Variants in NRXN1 observed in about 807,000 individuals in gnomAD.
NRXN1 encodes neurexin 1.
In NRXN1, 39 loss-of-function variants were observed where a neutral mutation model predicts 150.9. That is an observed-to-expected ratio of 0.26 (90% CI 0.20 to 0.34). The LOEUF (loss-of-function observed/expected upper bound fraction) is 0.34. Ranked by LOEUF, NRXN1 falls within the 10% of genes least tolerant of loss-of-function variation. The pLI, the probability that NRXN1 is intolerant of heterozygous loss-of-function variation, is 1.00. For missense variants in NRXN1, 1,815 were observed against 1,949.9 expected (o/e 0.93, Z 1.30); for synonymous variants, 924 against 757.0 (o/e 1.22, Z -3.62).
intron 5 of NRXN1, among the ~76,000 whole-genome samples, chr2:50,785,454 T>C (rs1186454850): frequency 2.0e-5 from 3 of 151,986 alleles, no homozygotes; most frequent in Admixed American, 6.6e-5. Context: ...TTCACCCTGT[T>C]AGCCAGAATG....
chr2:50,649,419 G>A (rs1215084974), intron 5 of NRXN1, among the ~76,000 whole-genome samples: 4 of 151,898 alleles, frequency 2.6e-5, no homozygotes, highest in African/African-American at 7.3e-5. Flanking sequence ...CTCTCCTTGT[G>A]GAGAAAACTC....
At chr2:50,283,943 C>T (rs1326965777) in intron 17 of NRXN1, among the ~76,000 whole-genome samples, 1 of 152,096 alleles carries the variant, frequency 6.6e-6, no homozygotes, top group African/African-American at 2.4e-5. Context: ...TCTCTCTCTC[C>T]TTCCCTCATT....
intron 5 of NRXN1, among the ~76,000 whole-genome samples, chr2:50,876,701 C>T (rs1399369973): frequency 1.3e-5 from 2 of 151,800 alleles, no homozygotes; most frequent in Non-Finnish European, 2.9e-5. Flanking sequence ...AACTAATATA[C>T]ATTCCAAAAT....
At chr2:50,963,191 A>G (rs1002241758) in intron 2 of NRXN1, among the ~76,000 whole-genome samples, 1 of 151,594 alleles carries the variant, frequency 6.6e-6, no homozygotes, top group African/African-American at 2.4e-5. Flanking sequence ...TTTTTACTTC[A>G]CCACAACACT....
At chr2:50,583,788 A>G (rs967803184) in intron 8 of NRXN1, among the ~76,000 whole-genome samples, 3 of 152,208 alleles carry the variant, frequency 2.0e-5, no homozygotes, top group African/African-American at 4.8e-5. Flanking sequence ...CCATCTTCCA[A>G]CTATCAATAA....
chr2:50,262,506 T>A (rs1032770035), intron 17 of NRXN1, among the ~76,000 whole-genome samples: 1 of 151,888 alleles, frequency 6.6e-6, no homozygotes, highest in Non-Finnish European at 1.5e-5. Context: ...AAAGGTTGGG[T>A]TAAATGTTAT....
At chr2:50,769,671 C>A (rs1226813297) in intron 5 of NRXN1, among the ~76,000 whole-genome samples, 2 of 152,168 alleles carry the variant, frequency 1.3e-5, no homozygotes, top group Middle Eastern at 3.4e-3. Context: ...GAAATTCTAC[C>A]TGATCCTTTA....
chr2:50,158,064 AGT>A (rs71401060), intron 18 of NRXN1, among the ~76,000 whole-genome samples: 16,108 of 133,820 alleles, frequency 0.12, 835 homozygotes, highest in Middle Eastern at 0.16. Flanking sequence ...TAAGAAGTTG[AGT>A]GTGTGTGTGT....
chr2:50,687,997 A>T (rs1691503402), intron 5 of NRXN1, among the ~76,000 whole-genome samples: 1 of 152,318 alleles, frequency 6.6e-6, no homozygotes, highest in East Asian at 1.9e-4. Flanking sequence ...ACGAAAATTT[A>T]GCACTAATAG....
intron 21 of NRXN1, among the ~76,000 whole-genome samples, chr2:49,995,861 T>TAAAAAAA (rs60974625): frequency 9.1e-5 from 6 of 66,172 alleles, no homozygotes; most frequent in African/African-American, 2.7e-4. Context: ...TGCTGGATAG[T>TAAAAAAA]AAAAAAAAAA....
intron 18 of NRXN1, among the ~76,000 whole-genome samples, chr2:50,213,743 T>C (rs1330497701): frequency 2.6e-5 from 4 of 151,906 alleles, no homozygotes; most frequent in Non-Finnish European, 5.9e-5. Context: ...AGAATTCTAA[T>C]CACTTTTAAT....
intron 17 of NRXN1, among the ~76,000 whole-genome samples, chr2:50,296,688 G>A (rs1000824379): frequency 1.3e-5 from 2 of 151,862 alleles, no homozygotes; most frequent in South Asian, 4.2e-4. Context: ...GGCTGGTCTT[G>A]AACTCCTGGC....
intron 21 of NRXN1, among the ~76,000 whole-genome samples, chr2:49,980,851 A>G (rs2152507573): frequency 6.6e-6 from 1 of 152,186 alleles, no homozygotes; most frequent in East Asian, 1.9e-4. Flanking sequence ...GAGAGAGGTA[A>G]AGTTTCCTTT....
In NRXN1 at chr2:50,898,250, C is replaced by T. The variant is rs563333399; in HGVS notation, c.832+23619G>A. On this transcript the variant is annotated intron_variant, in intron 5 of 22. Transcript: ENST00000401669. ...TCCTCAAAAATTTTCTTTTTTTATA[C>T]AGTTCATTCCCTCTTAGGACTGTCC... 5.9e-5 allele frequency among the ~76,000 whole-genome samples: 9 copies of T among 152,140 alleles called. No individual in the cohort carries two copies. In the South Asian group the frequency reaches 1.0e-3, roughly 17 times the overall value.
At chr2:50,285,071 A>G (rs182783895) in intron 17 of NRXN1, among the ~76,000 whole-genome samples, 24 of 152,288 alleles carry the variant, frequency 1.6e-4, no homozygotes, top group African/African-American at 5.5e-4. Flanking sequence ...TGGTGAATCA[A>G]TGAGTGATGG....
chr2:50,592,662 G>C (rs1674482026), intron 8 of NRXN1, among the ~76,000 whole-genome samples: 1 of 152,142 alleles, frequency 6.6e-6, no homozygotes, highest in South Asian at 2.1e-4. Flanking sequence ...TCACACTCAG[G>C]GCTTAGACTT....
intron 17 of NRXN1, among the ~76,000 whole-genome samples, chr2:50,404,055 A>G (rs2082579497): frequency 6.6e-6 from 1 of 152,092 alleles, no homozygotes. Context: ...TAGAAAGAAA[A>G]TTCATTCTTT....
chr2:50,617,450 C>G (rs755795113), intron 8 of NRXN1, among the ~76,000 whole-genome samples: 5 of 151,040 alleles, frequency 3.3e-5, no homozygotes, highest in Non-Finnish European at 7.4e-5. Flanking sequence ...AAAAAAAAAG[C>G]CCTCCAAGTG....
At chr2:50,868,986 T>C (rs1332066566) in intron 5 of NRXN1, among the ~76,000 whole-genome samples, 3 of 151,876 alleles carry the variant, frequency 2.0e-5, no homozygotes. Context: ...CAAAACAATG[T>C]AATACAAATA....
Sources: allele counts gnomAD v4.1 joint callset (sites outside exome capture counted in the v4.1 genomes callset), GRCh38; gene constraint gnomAD v4.1.1; transcripts MANE v1.5; gene names NCBI Gene and HGNC (gene_info 2026-07-23, HGNC 2026-07-21).